PRDM16: variants seen among roughly 807,000 people sequenced by gnomAD.
PRDM16 encodes the protein PR/SET domain 16.
In PRDM16, 23 loss-of-function variants were observed where a neutral mutation model predicts 110.6. The ratio of observed to expected loss-of-function variants is 0.21; its 90% CI spans 0.15 to 0.29. The LOEUF (loss-of-function observed/expected upper bound fraction) is 0.29, where lower values mean the gene tolerates loss of function less well. Ranked by LOEUF, PRDM16 falls within the 10% of genes least tolerant of loss-of-function variation. PRDM16 has a pLI of 1.00. For synonymous variants in PRDM16, 799 were observed against 781.8 expected, an observed-to-expected ratio of 1.02 and a Z score of -0.37; for missense variants, 1,615 against 1,794.3, an observed-to-expected ratio of 0.90 and a Z score of 1.81.
intron 4 of PRDM16, among the ~76,000 whole-genome samples, chr1:3,395,916 G>T (rs1297578417): frequency 6.6e-6 from 1 of 152,176 alleles, no homozygotes; most frequent in Non-Finnish European, 1.5e-5. Flanking sequence ...CGCCTGTGGG[G>T]TCAGCAGCAA....
At chr1:3,156,650 T>G (rs1461484676) in intron 1 of PRDM16, among the ~76,000 whole-genome samples, 1 of 152,128 alleles carries the variant, frequency 6.6e-6, no homozygotes, top group Non-Finnish European at 1.5e-5. Flanking sequence ...AAATCTGCTT[T>G]GGGAATTTTT....
At chr1:3,325,796 T>G (rs965878887) in intron 3 of PRDM16, among the ~76,000 whole-genome samples, 1 of 152,058 alleles carries the variant, frequency 6.6e-6, no homozygotes, top group Non-Finnish European at 1.5e-5. Flanking sequence ...TGGCGATCCT[T>G]GGCCATCCTT....
In PRDM16 at chr1:3,412,456, C is replaced by T. The variant is rs548246861; in HGVS notation, c.2259C>T (p.Ala753=). The change falls in exon 9 of 17, where the codon GCC becomes GCT. Residue 753 remains alanine, a synonymous_variant. Coordinates refer to ENST00000270722, the MANE Select transcript of PRDM16 (RefSeq NM_022114.4). Reference sequence around the variant, plus strand: ...TCGCCCACAACTTGCTGGTCAAGGCCGAGCCAAAGTCACCCCGGGACGCCC... The same window carrying T: ...TCGCCCACAACTTGCTGGTCAAGGCTGAGCCAAAGTCACCCCGGGACGCCC... The part of the protein sequence containing the change: ...RALAHNLLVK[A]EPKSPRDALK... The T allele has an allele frequency of 4.0e-5, 65 of 1,613,174 alleles. No individual in the cohort carries two copies. Among genetic ancestry groups the T allele is most frequent in the Admixed American group, 5.0e-5 (3 of 60,012 alleles).
intron 1 of PRDM16, among the ~76,000 whole-genome samples, chr1:3,114,199 G>A (rs58016631): frequency 0.15 from 16,878 of 110,116 alleles, 1,085 homozygotes; most frequent in Middle Eastern, 0.33. Flanking sequence ...ACACGCACAC[G>A]CACGCACACA....
At chr1:3,075,975 C>G (rs1641889318) in intron 1 of PRDM16, among the ~76,000 whole-genome samples, 1 of 152,216 alleles carries the variant, frequency 6.6e-6, no homozygotes, top group South Asian at 2.1e-4. Context: ...TAGGCTTGAC[C>G]AAGAGTGAGC....
At chr1:3,251,582 C>A (rs1175977374) in intron 3 of PRDM16, among the ~76,000 whole-genome samples, 2 of 152,116 alleles carry the variant, frequency 1.3e-5, no homozygotes, top group Non-Finnish European at 2.9e-5. Context: ...GCCCTGGAAC[C>A]AGCACCCCTT....
Position 3,411,877 on chromosome 1 carries a change from C to T in PRDM16, c.1680C>T (p.Ser560=), listed in dbSNP as rs565375368. The T allele has an allele frequency of 3.8e-5, 61 of 1,612,834 alleles. No individual in the cohort carries two copies. The highest frequency in any genetic ancestry group is 2.9e-4 in the East Asian group (13 of 44,848). Reference sequence around the variant, plus strand: ...GGAACCCAGCCCTGCCCCTGGTCTCCGCCGTCAGCAACAGCAGCCAGGGCA... The same window carrying T: ...GGAACCCAGCCCTGCCCCTGGTCTCTGCCGTCAGCAACAGCAGCCAGGGCA... ...PLGNPALPLV[S]AVSNSSQGTT... The change falls in exon 9 of 17, where the codon TCC becomes TCT. Residue 560 remains serine (S), a synonymous_variant. Transcript: ENST00000270722.
At chr1:3,188,040 GGA>G (rs1348152588) in intron 2 of PRDM16, among the ~76,000 whole-genome samples, 1 of 152,204 alleles carries the variant, frequency 6.6e-6, no homozygotes, top group Non-Finnish European at 1.5e-5. Flanking sequence ...AGCAGGACAG[GGA>G]GAGAGTTTGG....
chr1:3,174,877 G>A (rs902931511), intron 1 of PRDM16, among the ~76,000 whole-genome samples: 1 of 152,178 alleles, frequency 6.6e-6, no homozygotes, highest in Non-Finnish European at 1.5e-5. Context: ...GATAGAAACG[G>A]CAATTGATCA....
rs191754440 is a variant in PRDM16, at chr1:3,425,460, G to C, written c.2940-121G>C. On this transcript the variant is annotated intron_variant, in intron 12 of 16. Transcript: ENST00000270722. The surrounding 1 kb of genome is among the most constrained non-coding windows in gnomAD (Gnocchi z 6.9). ...GATCCAGCAACCTCCGGGACACGGC[G>C]GGGCAAAGCTGTGCACGGGGCACGG... 3,935 of 1,074,714 alleles carry C rather than the reference G, an allele frequency of 3.7e-3. 20 individuals carry two copies. The highest frequency in any genetic ancestry group is 0.014 in the South Asian group (872 of 63,634). 66.6% of individuals were successfully genotyped at this position (1,074,714 alleles called of 1,614,324 possible).
At chr1:3,072,161 G>A (rs117992485) in intron 1 of PRDM16, among the ~76,000 whole-genome samples, 1,998 of 152,252 alleles carry the variant, frequency 0.013, 52 homozygotes, top group Admixed American at 0.059. Context: ...CGGTAGGGCC[G>A]GTGGGGTAGG....
rs1165866508 is a variant in PRDM16 at position 3,213,479 on chromosome 1, C to T, written c.387+27005C>T. Among the ~76,000 whole-genome samples the T allele has an allele frequency of 6.6e-6, 1 of 152,146 alleles. No homozygotes were observed. Among genetic ancestry groups the T allele is most frequent in the Admixed American group, 6.5e-5 (1 of 15,276 alleles). ...GGCTTGTCACCAATCGGGCAGTCAC[C>T]CCAGCTGTGCGGGTGCCCCCCTGGG... On this transcript the variant is annotated intron_variant, in intron 2 of 16. Transcript: ENST00000270722. This position sits in a 1 kb window ranked among gnomAD's most constrained non-coding sequence, Gnocchi z 5.3.
intron 1 of PRDM16, among the ~76,000 whole-genome samples, chr1:3,095,156 G>T (rs1379037729): frequency 6.6e-6 from 1 of 152,186 alleles, no homozygotes; most frequent in Non-Finnish European, 1.5e-5. Context: ...CCCCTCTCCA[G>T]CTCAGTGCGT....
chr1:3,358,583 C>T lies in PRDM16; in HGVS notation c.439-26569C>T, dbSNP rs1041521380. On this transcript the variant is annotated intron_variant, in intron 3 of 16. Transcript: ENST00000270722. The surrounding 1 kb of genome is among the most constrained non-coding windows in gnomAD (Gnocchi z 4.0). ...CTCCACTGGGGCCGGAAGAGGAGCT[C>T]TCGGACCCCTCCCTCCTGCCCTCAG... Among the ~76,000 whole-genome samples, 4 of 152,192 alleles carry T rather than the reference C, an allele frequency of 2.6e-5. No homozygotes were observed. Among genetic ancestry groups the T allele is most frequent in the Non-Finnish European group, 1.5e-5 (1 of 68,034 alleles).
At chr1:3,392,755 T>G (rs1643319135) in intron 4 of PRDM16, among the ~76,000 whole-genome samples, 1 of 152,188 alleles carries the variant, frequency 6.6e-6, no homozygotes, top group Non-Finnish European at 1.5e-5. Context: ...CATAAAAGGC[T>G]CTGTCTGAAT....
At chr1:3,343,228 A>G (rs1215697255) in intron 3 of PRDM16, among the ~76,000 whole-genome samples, 1 of 148,460 alleles carries the variant, frequency 6.7e-6, no homozygotes, top group African/African-American at 2.5e-5. Flanking sequence ...TGGATCTAGT[A>G]TGCATTTCCC....
At position 3,370,673 on chromosome 1, in the gene PRDM16, A is replaced by T. The variant is rs1352817794; in HGVS notation, c.439-14479A>T. On this transcript the variant is annotated intron_variant, in intron 3 of 16. Coordinates refer to ENST00000270722, the MANE Select transcript of PRDM16 (RefSeq NM_022114.4). This position sits in a 1 kb window ranked among gnomAD's most constrained non-coding sequence, Gnocchi z 4.8. ...GGGACCAGGGCAGGCTTCCCAGGAG[A>T]GGTGTCCTGTGCTCTGCCACCATGA... 6.6e-6 allele frequency among the ~76,000 whole-genome samples: 1 copy of T among 152,110 alleles called. No individual in the cohort carries two copies. Among genetic ancestry groups the T allele is most frequent in the African/African-American group, 2.4e-5 (1 of 41,404 alleles).
chr1:3,097,570 G>A (rs145970642), intron 1 of PRDM16, among the ~76,000 whole-genome samples: 53 of 152,256 alleles, frequency 3.5e-4, no homozygotes, highest in African/African-American at 1.2e-3. Context: ...TTCTCCACTC[G>A]CACCTCCAAA....
intron 3 of PRDM16, among the ~76,000 whole-genome samples, chr1:3,262,963 T>C (rs913907651): frequency 2.0e-5 from 3 of 152,168 alleles, no homozygotes; most frequent in African/African-American, 7.2e-5. Flanking sequence ...GAGTGAGTGA[T>C]TGTGCCTCCG....
Sources: allele counts gnomAD v4.1 joint callset (sites outside exome capture counted in the v4.1 genomes callset), GRCh38; gene constraint gnomAD v4.1.1; non-coding constraint Gnocchi (gnomAD v3.1); transcripts MANE v1.5; gene names NCBI Gene and HGNC (gene_info 2026-07-23, HGNC 2026-07-21).